The following CPED1 variants were observed in gnomAD, a reference collection of about 807,000 sequenced individuals.
CPED1 encodes cadherin like and PC-esterase domain containing 1.
In CPED1, 114 loss-of-function variants were observed where a neutral mutation model predicts 128.2. The ratio of observed to expected loss-of-function variants is 0.89; its 90% CI spans 0.76 to 1.04. The LOEUF (loss-of-function observed/expected upper bound fraction) is 1.04, where lower values mean the gene tolerates loss of function less well. CPED1 is among the 50% of genes least tolerant of loss of function. The pLI, the probability that CPED1 is intolerant of heterozygous loss-of-function variation, is 0.00. For missense variants in CPED1, 1,211 were observed against 1,207.1 expected (o/e 1.00, Z -0.05); for synonymous variants, 462 against 426.7 (o/e 1.08, Z -1.02).
intron 18 of CPED1, among the ~76,000 whole-genome samples, chr7:121,260,942 A>G (rs1036442139): frequency 3.9e-5 from 6 of 152,172 alleles, no homozygotes; most frequent in South Asian, 2.1e-4. Flanking sequence ...TTAATACTAC[A>G]TGTATCCAAT....
chr7:121,132,168 A>G (rs752996150), intron 12 of CPED1, among the ~76,000 whole-genome samples: 4 of 152,090 alleles, frequency 2.6e-5, no homozygotes, highest in African/African-American at 9.7e-5. Flanking sequence ...CCATATTGCA[A>G]TGAGGATGCA....
At position 121,209,229 on chromosome 7, in the gene CPED1, T is replaced by C. The variant is rs74398071; in HGVS notation, c.2056-27485T>C. Reference sequence around the variant, plus strand: ...ATGATCCATCATCGAATAAATGGTCTCACGTGATTTCTCAGGTCATTGTTT... The same window carrying C: ...ATGATCCATCATCGAATAAATGGTCCCACGTGATTTCTCAGGTCATTGTTT... On this transcript the variant is annotated intron_variant, in intron 16 of 22. Coordinates refer to ENST00000310396, the MANE Select transcript of CPED1 (RefSeq NM_024913.5). 3.9e-4 allele frequency among the ~76,000 whole-genome samples: 60 copies of C among 152,152 alleles called. 1 individual carries two copies. In the East Asian group the frequency reaches 0.011, roughly 28 times the overall value.
chr7:120,997,935 AAT>A lies in CPED1; in HGVS notation c.249+8067_249+8068del, dbSNP rs1562986464. Among the ~76,000 whole-genome samples the A allele has an allele frequency of 3.2e-4, 39 of 123,056 alleles. 1 individual carries two copies. Among genetic ancestry groups the A allele is most frequent in the African/African-American group, 1.5e-3 (38 of 26,048 alleles). 80.7% of individuals were successfully genotyped at this position (123,056 alleles called of 152,430 possible). On this transcript the variant is annotated intron_variant, in intron 2 of 22. Coordinates refer to ENST00000310396, the MANE Select transcript of CPED1 (RefSeq NM_024913.5). ...AAAACTCGGTCTCGAAAAAAAATAAAATAAAATAAAATAAAATAAAATAAAAT... is the reference window on the plus strand; with the variant it reads ...AAAACTCGGTCTCGAAAAAAAATAAAAAAATAAAATAAAATAAAATAAAAT...
At chr7:121,186,269 C>CT (rs1328937355) in intron 16 of CPED1, among the ~76,000 whole-genome samples, 3 of 152,096 alleles carry the variant, frequency 2.0e-5, no homozygotes, top group African/African-American at 7.2e-5. Flanking sequence ...TACTTCAATA[C>CT]TTGCAAATTA....
rs539681780 is a variant in CPED1 at position 121,097,139 on chromosome 7, A to G, written c.617-560A>G. ...AATAACTTTATTTTTAAGCATGTCC[A>G]TATGAGTGTTCTTAAGTAAACCATT... On this transcript the variant is annotated intron_variant, in intron 5 of 22. Transcript: ENST00000310396. Among the ~76,000 whole-genome samples the G allele has an allele frequency of 3.9e-5, 6 of 152,316 alleles. No homozygotes were observed. In the East Asian group the frequency reaches 1.2e-3, roughly 29 times the overall value.
intron 5 of CPED1, among the ~76,000 whole-genome samples, chr7:121,096,192 A>C (rs1411354325): frequency 6.6e-6 from 1 of 152,164 alleles, no homozygotes; most frequent in African/African-American, 2.4e-5. Flanking sequence ...ACTTCATTAA[A>C]AGGGAAAACT....
chr7:121,151,976 T>G (rs1796170220), intron 16 of CPED1, among the ~76,000 whole-genome samples: 2 of 152,234 alleles, frequency 1.3e-5, no homozygotes, highest in South Asian at 4.1e-4. Context: ...TGGTTTGATA[T>G]ATGTTCCCTG....
Position 121,192,385 on chromosome 7 carries a change from G to A in CPED1, c.2056-44329G>A, listed in dbSNP as rs1465298591. 2.6e-5 allele frequency among the ~76,000 whole-genome samples: 4 copies of A among 152,080 alleles called. No homozygotes were observed. The South Asian group carries it at 8.3e-4, about 31-fold the overall frequency. On this transcript the variant is annotated intron_variant, in intron 16 of 22. Coordinates refer to ENST00000310396, the MANE Select transcript of CPED1 (RefSeq NM_024913.5). ...GCTCAACTGGTAAATATTTACTGCA[G>A]ATATTCCAAAATCTAAAAACATCTG...
At chr7:121,194,347 G>A (rs1187768451) in intron 16 of CPED1, among the ~76,000 whole-genome samples, 8 of 151,844 alleles carry the variant, frequency 5.3e-5, no homozygotes, top group African/African-American at 1.9e-4. Flanking sequence ...CACTGTACCC[G>A]GCCTATAATA....
chr7:121,195,002 T>C (rs1378504605), intron 16 of CPED1: 1 of 152,186 alleles, frequency 6.6e-6, no homozygotes, highest in Non-Finnish European at 1.5e-5. Context: ...ACAGGGGCCA[T>C]GTTAATCTTC....
intron 16 of CPED1, among the ~76,000 whole-genome samples, chr7:121,203,216 C>T (rs770669758): frequency 7.9e-5 from 12 of 152,062 alleles, no homozygotes; most frequent in African/African-American, 1.4e-4. Context: ...CCTTCTATAC[C>T]TTCACAGATC....
chr7:121,003,239 AC>A (rs762881882), intron 2 of CPED1, among the ~76,000 whole-genome samples: 3 of 152,176 alleles, frequency 2.0e-5, no homozygotes, highest in Non-Finnish European at 4.4e-5. Flanking sequence ...TCCTAAGAAG[AC>A]CAAAGCAATT....
At chr7:121,251,418 C>T (rs1334719185) in intron 18 of CPED1, among the ~76,000 whole-genome samples, 1 of 152,096 alleles carries the variant, frequency 6.6e-6, no homozygotes, top group Non-Finnish European at 1.5e-5. Context: ...GACAGGGATG[C>T]CCTCTCTCAC....
chr7:121,044,889 TG>T (rs1793153863), intron 3 of CPED1, among the ~76,000 whole-genome samples: 1 of 152,144 alleles, frequency 6.6e-6, no homozygotes, highest in African/African-American at 2.4e-5. Context: ...ACCAAAACAC[TG>T]CAGGTCATGA....
At chr7:121,259,449 C>G (rs1008915247) in intron 18 of CPED1, among the ~76,000 whole-genome samples, 19 of 152,048 alleles carry the variant, frequency 1.2e-4, no homozygotes, top group Middle Eastern at 3.4e-3. Flanking sequence ...ATTTATTTCA[C>G]TTACAAGTTT....
chr7:121,060,786 C>T (rs760485826), intron 4 of CPED1, among the ~76,000 whole-genome samples: 57 of 152,216 alleles, frequency 3.7e-4, no homozygotes, highest in Admixed American at 7.8e-4. Flanking sequence ...TGGCAACCCG[C>T]TCCGGTCCCT....
intron 22 of CPED1, among the ~76,000 whole-genome samples, chr7:121,292,100 G>A (rs1465389673): frequency 6.6e-6 from 1 of 152,100 alleles, no homozygotes; most frequent in Non-Finnish European, 1.5e-5. Flanking sequence ...ATCCTGGAGA[G>A]TGTTTTCCAA....
chr7:121,112,360 CAGAG>C (rs952089293), intron 7 of CPED1, among the ~76,000 whole-genome samples: 3 of 152,058 alleles, frequency 2.0e-5, no homozygotes, highest in Non-Finnish European at 2.9e-5. Flanking sequence ...AAGAGAAAGT[CAGAG>C]AGAGATTTGA....
chr7:121,196,845 C>G (rs1797285557), intron 16 of CPED1, among the ~76,000 whole-genome samples: 2 of 151,514 alleles, frequency 1.3e-5, no homozygotes, highest in Non-Finnish European at 2.9e-5. Context: ...TCCCACAAGT[C>G]TAGCTCATTA....
Sources: allele counts gnomAD v4.1 joint callset (sites outside exome capture counted in the v4.1 genomes callset), GRCh38; gene constraint gnomAD v4.1.1; transcripts MANE v1.5; gene names NCBI Gene and HGNC (gene_info 2026-07-23, HGNC 2026-07-21).